The following SLIT2 variants were observed in gnomAD, a reference collection of about 807,000 sequenced individuals.
The protein encoded by SLIT2 is slit homolog 2 protein.
SLIT2 carries 41 observed loss-of-function variants against 185.7 expected under a neutral mutation model. That is an observed-to-expected ratio of 0.22 (90% CI 0.17 to 0.29). SLIT2 has a LOEUF of 0.29. Ranked by LOEUF, SLIT2 falls within the 10% of genes least tolerant of loss-of-function variation. The pLI, the probability that SLIT2 is intolerant of heterozygous loss-of-function variation, is 1.00. For synonymous variants in SLIT2, 693 were observed against 680.2 expected (o/e 1.02, Z -0.29); for missense variants, 1,571 against 1,909.0 (o/e 0.82, Z 3.30).
At chr4:20,322,326 A>G (rs961047221) in intron 4 of SLIT2, among the ~76,000 whole-genome samples, 7 of 152,224 alleles carry the variant, frequency 4.6e-5, no homozygotes, top group African/African-American at 1.7e-4. Flanking sequence ...ACATCAGTCA[A>G]CACATGTAAG....
At chr4:20,534,077 CA>C (rs1297607408) in intron 18 of SLIT2, among the ~76,000 whole-genome samples, 1 of 152,162 alleles carries the variant, frequency 6.6e-6, no homozygotes, top group African/African-American at 2.4e-5. Context: ...ATCCTTGTTC[CA>C]GTGCTTATAT....
intron 9 of SLIT2, among the ~76,000 whole-genome samples, chr4:20,495,789 CCTCAA>C (rs1369026800): frequency 1.3e-5 from 2 of 152,046 alleles, no homozygotes; most frequent in Admixed American, 6.6e-5. Flanking sequence ...TAATATTGAT[CCTCAA>C]CTCAACAAGA....
intron 9 of SLIT2, among the ~76,000 whole-genome samples, chr4:20,498,382 C>G (rs1360197521): frequency 6.6e-6 from 1 of 152,240 alleles, no homozygotes; most frequent in Admixed American, 6.5e-5. Context: ...TGCAATGCCT[C>G]CTGTGAGTCT....
chr4:20,524,209 CCAA>C, intron 14 of SLIT2, 32 bp downstream of exon 14: 2 of 1,608,314 alleles, frequency 1.2e-6, no homozygotes, highest in Non-Finnish European at 1.7e-6. Flanking sequence ...TCCCCTGTGA[CCAA>C]CAACAATGGT....
chr4:20,274,481 A>G (rs1713962195), intron 4 of SLIT2, among the ~76,000 whole-genome samples: 1 of 152,158 alleles, frequency 6.6e-6, no homozygotes, highest in Non-Finnish European at 1.5e-5. Context: ...TTCTACTTTT[A>G]TTTTTTAAAT....
At chr4:20,278,728 A>G (rs1714423493) in intron 4 of SLIT2, among the ~76,000 whole-genome samples, 1 of 151,666 alleles carries the variant, frequency 6.6e-6, no homozygotes, top group Non-Finnish European at 1.5e-5. Context: ...CTGGTTATTT[A>G]ATATAATAGC....
intron 30 of SLIT2, among the ~76,000 whole-genome samples, chr4:20,590,106 CG>C (rs1727391678): frequency 1.3e-5 from 2 of 151,930 alleles, no homozygotes; most frequent in Admixed American, 1.3e-4. Context: ...GGGGTTTCAC[CG>C]TGTTAGCCAG....
intron 4 of SLIT2, among the ~76,000 whole-genome samples, chr4:20,402,377 A>AT (rs1352064425): frequency 1.3e-5 from 2 of 151,808 alleles, no homozygotes; most frequent in East Asian, 3.9e-4. Flanking sequence ...AACTAGCTTA[A>AT]TTTTTTTGTT....
At chr4:20,255,865 T>A (rs1711820285) in intron 1 of SLIT2, among the ~76,000 whole-genome samples, 1 of 152,166 alleles carries the variant, frequency 6.6e-6, no homozygotes, top group Non-Finnish European at 1.5e-5. Context: ...TAGAGCTTAC[T>A]TCTATGAAGA....
At chr4:20,349,791 C>G (rs1263495042) in intron 4 of SLIT2, among the ~76,000 whole-genome samples, 1 of 152,110 alleles carries the variant, frequency 6.6e-6, no homozygotes, top group Admixed American at 6.5e-5. Context: ...GAGATCTGGG[C>G]TGGTGAGGCA....
chr4:20,329,083 T>C (rs1445793466), intron 4 of SLIT2, among the ~76,000 whole-genome samples: 1 of 152,014 alleles, frequency 6.6e-6, no homozygotes, highest in East Asian at 1.9e-4. Context: ...GTCCACTAGA[T>C]AGAAGATAGC....
intron 4 of SLIT2, among the ~76,000 whole-genome samples, chr4:20,393,944 C>T (rs1039962171): frequency 4.6e-5 from 7 of 152,004 alleles, no homozygotes; most frequent in Non-Finnish European, 8.8e-5. Flanking sequence ...AGTGCTGAAT[C>T]AATCACGTCC....
intron 4 of SLIT2, among the ~76,000 whole-genome samples, chr4:20,381,125 C>T (rs1462275461): frequency 1.3e-5 from 2 of 151,908 alleles, no homozygotes; most frequent in South Asian, 2.1e-4. Flanking sequence ...GTGGTGGTAA[C>T]GCCTGTAATC....
chr4:20,414,803 C>A (rs926104206), intron 4 of SLIT2, among the ~76,000 whole-genome samples: 2 of 152,132 alleles, frequency 1.3e-5, no homozygotes, highest in African/African-American at 4.8e-5. Context: ...AAGAGCCTCT[C>A]CTTGCCTTTG....
chr4:20,591,642 G>A (rs1035681153), intron 30 of SLIT2, among the ~76,000 whole-genome samples: 28 of 151,562 alleles, frequency 1.8e-4, no homozygotes, highest in South Asian at 8.4e-4. Flanking sequence ...AACACTGTAG[G>A]TAAGTTGTTT....
In SLIT2 at chr4:20,596,742, G is replaced by A; in HGVS notation, c.3561+87G>A. On this transcript the variant is annotated intron_variant, in intron 32 of 36. Coordinates refer to ENST00000504154, the MANE Select transcript of SLIT2 (RefSeq NM_004787.4). ...CATTTGTGGTAGCTTCTGAATGATT[G>A]ATAGTATGTCTTAAATAGACAGTTA... 9.7e-6 allele frequency: 13 copies of A among 1,333,710 alleles called. 1 individual carries two copies. In the South Asian group the frequency reaches 1.8e-4, roughly 18 times the overall value. 82.6% of individuals were successfully genotyped at this position (1,333,710 alleles called of 1,614,324 possible).
chr4:20,530,148 G>A (rs1046050315), intron 16 of SLIT2, among the ~76,000 whole-genome samples: 2 of 151,210 alleles, frequency 1.3e-5, no homozygotes, highest in Admixed American at 6.6e-5. Flanking sequence ...CACAGCTCCA[G>A]GAATTTTAGA....
At chr4:20,415,271 C>T (rs1305083887) in intron 4 of SLIT2, among the ~76,000 whole-genome samples, 5 of 152,046 alleles carry the variant, frequency 3.3e-5, no homozygotes, top group East Asian at 1.9e-4. Context: ...ATTAGCTGGG[C>T]GTGGTGGCGG....
At chr4:20,398,875 G>A (rs932030537) in intron 4 of SLIT2, among the ~76,000 whole-genome samples, 6 of 151,218 alleles carry the variant, frequency 4.0e-5, no homozygotes, top group South Asian at 4.2e-4. Flanking sequence ...CTATCCTTTC[G>A]ACAATACAAA....
Sources: allele counts gnomAD v4.1 joint callset (sites outside exome capture counted in the v4.1 genomes callset), GRCh38; gene constraint gnomAD v4.1.1; transcripts MANE v1.5; gene names NCBI Gene and HGNC (gene_info 2026-07-23, HGNC 2026-07-21).